Variants in CD72 observed in about 807,000 individuals in gnomAD.
CD72 encodes CD72 molecule, also known as B-cell differentiation antigen CD72.
Under a neutral mutation model 50.7 loss-of-function variants are expected in CD72, and 28 were observed. That is an observed-to-expected ratio of 0.55 (90% CI 0.41 to 0.76). CD72 has a LOEUF of 0.76. Among genes scored for constraint, CD72 ranks in the 30% least tolerant of loss-of-function variants. The pLI, the probability that CD72 is intolerant of heterozygous loss-of-function variation, is 0.00. For missense variants in CD72, 403 were observed against 420.6 expected, an observed-to-expected ratio of 0.96 and a Z score of 0.37; for synonymous variants, 176 against 171.2, an observed-to-expected ratio of 1.03 and a Z score of -0.22.
intron 3 of CD72, 43 bp from the exon 4 acceptor site, chr9:35,616,732 A>C: frequency 6.6e-7 from 1 of 1,513,680 alleles, no homozygotes; most frequent in Non-Finnish European, 9.2e-7. Flanking sequence ...CAGCCCCCGT[A>C]AAGAATGTAG....
intron 5 of CD72, among the ~76,000 whole-genome samples, chr9:35,614,996 A>G (rs368700582): frequency 4.3e-4 from 66 of 152,246 alleles, no homozygotes; most frequent in African/African-American, 1.5e-3. Context: ...GAGTCAGCAG[A>G]TTGGAGGCCT....
chr9:35,625,764 A>G (rs753894368), intron 1 of CD72, among the ~76,000 whole-genome samples: 28 of 152,270 alleles, frequency 1.8e-4, no homozygotes, highest in South Asian at 2.1e-4. Flanking sequence ...TCAGAATCCT[A>G]GGGCCCTTAA....
chr9:35,618,100 C>G lies in CD72; in HGVS notation c.104G>C (p.Gly35Ala). 6.2e-7 allele frequency: 1 copy of G among 1,613,974 alleles called. No individual in the cohort carries two copies. Among genetic ancestry groups the G allele is most frequent in the Non-Finnish European group, 8.5e-7 (1 of 1,179,844 alleles). Residue 35 changes from glycine to alanine, a missense_variant, in exon 2 of 9, where the codon GGG (glycine) becomes GCG (alanine). Gly to Ala is a moderately conservative substitution (Grantham distance 60, BLOSUM62 0). Coordinates refer to ENST00000259633, the MANE Select transcript of CD72 (RefSeq NM_001782.3). ...LGQDPGADDD[G>A]EITYENVQVP... Reference sequence around the variant, plus strand: ...TTGAACATTCTCGTAGGTGATTTCCCCATCATCATCAGCCCCTGGGTCTAG... The same window carrying G: ...TTGAACATTCTCGTAGGTGATTTCCGCATCATCATCAGCCCCTGGGTCTAG...
chr9:35,619,069 G>A (rs558115806), upstream of CD72, among the ~76,000 whole-genome samples: 3 of 152,218 alleles, frequency 2.0e-5, no homozygotes, highest in South Asian at 4.1e-4. Flanking sequence ...CGCAGATTCC[G>A]GACCAGCGGA....
intron 5 of CD72, among the ~76,000 whole-genome samples, chr9:35,614,344 G>A (rs1229960841): frequency 6.6e-6 from 1 of 152,194 alleles, no homozygotes; most frequent in Non-Finnish European, 1.5e-5. Context: ...TATGAAGAAT[G>A]GACTGCAGGG....
At chr9:35,610,858 C>T in intron 7 of CD72, 105 bp from the exon 8 acceptor site, 1 of 851,128 alleles carries the variant, frequency 1.2e-6, no homozygotes, top group Admixed American at 2.0e-5. Flanking sequence ...ACCCTGCCTG[C>T]CTAAGGCCAC....
intron 8 of CD72, 99 bp downstream of exon 8, chr9:35,610,503 A>G (rs1822959854): frequency 8.7e-6 from 7 of 804,642 alleles, no homozygotes; most frequent in Non-Finnish European, 1.2e-5. Context: ...TCCCAGGTAC[A>G]AGTTTTCTCT....
chr9:35,612,676 G>A, intron 6 of CD72, 172 bp downstream of exon 6: 2 of 636,350 alleles, frequency 3.1e-6, no homozygotes, highest in Non-Finnish European at 5.5e-6. Flanking sequence ...GTGCTGAGAA[G>A]ATGCAGAGGT....
chr9:35,610,518 C>A, intron 8 of CD72, 84 bp downstream of exon 8: 1 of 865,336 alleles, frequency 1.2e-6, no homozygotes, highest in East Asian at 6.6e-5. Context: ...TTCTCTCGGG[C>A]CCCTGGGCCC....
chr9:35,644,350 CAAAAAAAAAA>C (rs74176726), intron 1 of CD72, among the ~76,000 whole-genome samples: 1,834 of 68,298 alleles, frequency 0.027, 70 homozygotes, highest in African/African-American at 0.098. Context: ...AACTCTGTCT[CAAAAAAAAAA>C]AAAAAAAAAA....
At chr9:35,642,748 T>TG (rs1209350326) in intron 1 of CD72, 1 of 152,226 alleles carries the variant, frequency 6.6e-6, no homozygotes, top group Non-Finnish European at 1.5e-5. Context: ...TATAATGGCC[T>TG]GGCTATTTCG....
chr9:35,620,483 A>AG (rs1301614017), upstream of CD72, among the ~76,000 whole-genome samples: 1 of 151,886 alleles, frequency 6.6e-6, no homozygotes, highest in African/African-American at 2.4e-5. Flanking sequence ...AAAAAAAAAA[A>AG]AAAAATGGAA....
upstream of CD72, among the ~76,000 whole-genome samples, chr9:35,623,682 C>T (rs1303178698): frequency 3.3e-5 from 5 of 151,710 alleles, no homozygotes; most frequent in East Asian, 1.9e-4. Context: ...TTTGGGAGGC[C>T]GAGGCAGGCG....
intron 1 of CD72, among the ~76,000 whole-genome samples, chr9:35,626,856 ACT>A (rs1823200445): frequency 6.6e-6 from 1 of 151,772 alleles, no homozygotes; most frequent in Admixed American, 6.6e-5. Flanking sequence ...TATAAACATT[ACT>A]TTTTTTTTTT....
upstream of CD72, among the ~76,000 whole-genome samples, chr9:35,622,036 T>C (rs2131774924): frequency 6.6e-6 from 1 of 152,202 alleles, no homozygotes; most frequent in East Asian, 1.9e-4. Context: ...GGAGGAAGCA[T>C]GATGTAATAG....
chr9:35,643,014 C>A (rs1823353097), intron 1 of CD72: 1 of 152,292 alleles, frequency 6.6e-6, no homozygotes, highest in African/African-American at 2.4e-5. Context: ...CTACTCGCCT[C>A]TGCTGTAAGA....
intron 1 of CD72, among the ~76,000 whole-genome samples, chr9:35,626,713 G>C (rs1337160691): frequency 6.6e-6 from 1 of 152,122 alleles, no homozygotes; most frequent in East Asian, 1.9e-4. Flanking sequence ...CCCTCCACTG[G>C]CAAAAAGATT....
chr9:35,633,973 A>C (rs1317606702), intron 1 of CD72, among the ~76,000 whole-genome samples: 1 of 152,156 alleles, frequency 6.6e-6, no homozygotes, highest in Non-Finnish European at 1.5e-5. Flanking sequence ...TTATCACTTT[A>C]AGTGTGTTTC....
At position 35,617,191 on chromosome 9, in the gene CD72, C is replaced by T. The variant is rs1470035305; in HGVS notation, c.247G>A (p.Gly83Arg). Residue 83 changes from glycine to arginine, a missense_variant, in exon 3 of 9, where the codon GGG (glycine) becomes AGG (arginine). Transcript: ENST00000259633. ...GCACACTCACAGGGGAGAATCCGCC[C>T]GACAGCTGGTGACGTCACGGCTCTC... ...SWRAVTSPAV[G>R]RILPCRTTCL... 3 of 1,566,626 alleles carry T rather than the reference C, an allele frequency of 1.9e-6. No homozygotes were observed. Among genetic ancestry groups the T allele is most frequent in the African/African-American group, 2.7e-5 (2 of 73,748 alleles).
Sources: allele counts gnomAD v4.1 joint callset (sites outside exome capture counted in the v4.1 genomes callset), GRCh38; gene constraint gnomAD v4.1.1; transcripts MANE v1.5; gene names NCBI Gene and HGNC (gene_info 2026-07-23, HGNC 2026-07-21).